The following CNTNAP4 variants were observed in gnomAD, a reference collection of about 807,000 sequenced individuals.
The protein encoded by CNTNAP4 is contactin associated protein family member 4.
In CNTNAP4, 98 loss-of-function variants were observed where a neutral mutation model predicts 148.4. That is an observed-to-expected ratio of 0.66 (90% confidence interval 0.56 to 0.78). The LOEUF is 0.78. CNTNAP4 is among the 30% of genes least tolerant of loss of function. The pLI is 0.00. For missense variants in CNTNAP4, 1,935 were observed against 1,565.6 expected (o/e 1.24, Z -3.98); for synonymous variants, 730 against 565.1 (o/e 1.29, Z -4.14).
At chr16:76,495,556 T>G (rs1268822906) in intron 14 of CNTNAP4, among the ~76,000 whole-genome samples, 3 of 152,098 alleles carry the variant, frequency 2.0e-5, no homozygotes, top group Non-Finnish European at 4.4e-5. Flanking sequence ...AAAATAGATC[T>G]GTAACATTTT....
intron 2 of CNTNAP4, among the ~76,000 whole-genome samples, chr16:76,353,865 G>GGT (rs896890373): frequency 1.1e-4 from 16 of 152,158 alleles, no homozygotes; most frequent in African/African-American, 3.6e-4. Flanking sequence ...TGTCAACACT[G>GGT]GTGTGTGCCT....
intron 2 of CNTNAP4, among the ~76,000 whole-genome samples, chr16:76,344,900 C>T (rs367795565): frequency 3.9e-4 from 59 of 152,276 alleles, no homozygotes; most frequent in African/African-American, 1.1e-3. Context: ...TGTCATGGCA[C>T]GGTTAGATGG....
At chr16:76,406,866 A>G (rs953682706) in intron 3 of CNTNAP4, among the ~76,000 whole-genome samples, 3 of 152,182 alleles carry the variant, frequency 2.0e-5, no homozygotes, top group Admixed American at 2.0e-4. Flanking sequence ...ATAGAAGTAC[A>G]AGGTGAAGCA....
intron 14 of CNTNAP4, among the ~76,000 whole-genome samples, chr16:76,497,893 T>C (rs549786277): frequency 6.6e-6 from 1 of 152,004 alleles, no homozygotes; most frequent in East Asian, 1.9e-4. Context: ...AGAAATCATA[T>C]GGGGGAAACA....
At chr16:76,322,806 A>T (rs1962560012) in intron 2 of CNTNAP4, among the ~76,000 whole-genome samples, 1 of 151,938 alleles carries the variant, frequency 6.6e-6, no homozygotes, top group African/African-American at 2.4e-5. Flanking sequence ...TGCTGGAAAG[A>T]GTCAATTTAT....
chr16:76,396,441 C>G (rs915527033), intron 3 of CNTNAP4, among the ~76,000 whole-genome samples: 1 of 152,112 alleles, frequency 6.6e-6, no homozygotes, highest in African/African-American at 2.4e-5. Context: ...AAAACTAAAG[C>G]TGTAAGTGGT....
At chr16:76,407,720 T>C (rs2078642921) in intron 3 of CNTNAP4, among the ~76,000 whole-genome samples, 1 of 152,150 alleles carries the variant, frequency 6.6e-6, no homozygotes, top group South Asian at 2.1e-4. Context: ...AATCTACTCC[T>C]GGTGAAGATG....
At chr16:76,324,936 AT>A (rs1489728545) in intron 2 of CNTNAP4, among the ~76,000 whole-genome samples, 1 of 152,200 alleles carries the variant, frequency 6.6e-6, no homozygotes, top group East Asian at 1.9e-4. Flanking sequence ...CAGCCTGTGA[AT>A]TTTGTTGGGA....
chr16:76,513,385 G>A (rs984078567), intron 15 of CNTNAP4, among the ~76,000 whole-genome samples: 5 of 152,172 alleles, frequency 3.3e-5, no homozygotes, highest in South Asian at 2.1e-4. Context: ...TAGTGTGATC[G>A]CAGAGGAGCA....
chr16:76,410,964 A>C (rs536783930), intron 3 of CNTNAP4, among the ~76,000 whole-genome samples: 2 of 151,572 alleles, frequency 1.3e-5, no homozygotes, highest in Non-Finnish European at 3.0e-5. Flanking sequence ...AGTGGTACTC[A>C]GGTAAATAAG....
At chr16:76,548,769 T>C (rs2084844648) in intron 21 of CNTNAP4, among the ~76,000 whole-genome samples, 1 of 152,172 alleles carries the variant, frequency 6.6e-6, no homozygotes. Flanking sequence ...GTCATCAGTC[T>C]CTCCCTCCAC....
intron 8 of CNTNAP4, among the ~76,000 whole-genome samples, chr16:76,454,515 A>G (rs2080646292): frequency 6.6e-6 from 1 of 152,224 alleles, no homozygotes; most frequent in South Asian, 2.1e-4. Flanking sequence ...TAAGGATACT[A>G]GACTAAATAT....
At chr16:76,351,282 G>A (rs1026644450) in intron 2 of CNTNAP4, among the ~76,000 whole-genome samples, 13 of 151,986 alleles carry the variant, frequency 8.6e-5, no homozygotes, top group South Asian at 4.1e-4. Context: ...GCGGTTTGGC[G>A]GTGGCCATAC....
intron 21 of CNTNAP4, among the ~76,000 whole-genome samples, chr16:76,543,667 A>G (rs952637865): frequency 6.6e-6 from 1 of 152,178 alleles, no homozygotes; most frequent in African/African-American, 2.4e-5. Flanking sequence ...GGAGCCATTG[A>G]GTTAAAGTCA....
intron 2 of CNTNAP4, among the ~76,000 whole-genome samples, chr16:76,325,455 A>T (rs1408620015): frequency 6.6e-6 from 1 of 152,178 alleles, no homozygotes; most frequent in Non-Finnish European, 1.5e-5. Context: ...CATACAGAGT[A>T]AGTGCCCTAG....
At chr16:76,307,910 T>C (rs970892006) in intron 1 of CNTNAP4, among the ~76,000 whole-genome samples, 4 of 152,196 alleles carry the variant, frequency 2.6e-5, no homozygotes, top group African/African-American at 9.7e-5. Context: ...TGTAAGCCAG[T>C]GTTTGCCTCC....
At chr16:76,540,214 T>C (rs74025042) in intron 20 of CNTNAP4, among the ~76,000 whole-genome samples, 11,327 of 152,112 alleles carry the variant, frequency 0.074, 588 homozygotes, top group African/African-American at 0.14. Context: ...TTTTTGTTAA[T>C]GATATGAGTC....
chr16:76,537,476 CAGAG>C (rs1166474192), intron 18 of CNTNAP4, among the ~76,000 whole-genome samples: 4 of 151,866 alleles, frequency 2.6e-5, no homozygotes, highest in Non-Finnish European at 4.4e-5. Flanking sequence ...GAGAGGAAGA[CAGAG>C]AGAATTTGGG....
chr16:76,477,092 T>C (rs987848415), intron 11 of CNTNAP4, among the ~76,000 whole-genome samples: 2 of 152,142 alleles, frequency 1.3e-5, no homozygotes, highest in East Asian at 1.9e-4. Flanking sequence ...GAAATAGATA[T>C]TAATCTATTT....
Sources: gnomAD v4.1 joint callset for allele counts (sites outside exome capture counted in the v4.1 genomes callset) on GRCh38, gnomAD v4.1.1 for gene constraint, MANE v1.5 for transcripts, NCBI Gene and HGNC (gene_info 2026-07-23, HGNC 2026-07-21) for gene names.